USP9Y: variants seen among roughly 807,000 people sequenced by gnomAD.
USP9Y encodes the protein ubiquitin carboxyl-terminal hydrolase 9Y.
A neutral mutation model predicts 53.1 loss-of-function variants in USP9Y; 41 were observed. The ratio of observed to expected loss-of-function variants is 0.77; its 90% CI spans 0.60 to 1.00. The LOEUF (loss-of-function observed/expected upper bound fraction) is 1.00, where lower values mean the gene tolerates loss of function less well. Ranked by LOEUF, USP9Y falls within the 50% of genes least tolerant of loss-of-function variation. The pLI is 0.00. For synonymous variants in USP9Y, 220 were observed against 173.7 expected (o/e 1.27, Z -2.09); for missense variants, 567 against 535.8 (o/e 1.06, Z -0.58).
At chrY:12,775,615 T>C (rs2053491894) in intron 18 of USP9Y, 49 bp downstream of exon 18, 1 of 244,841 alleles carries the variant, frequency 4.1e-6, no homozygotes, top group Admixed American at 9.2e-5. Flanking sequence ...GGTTAAGTTG[T>C]TGGGTAGTAT....
chrY:12,790,469 T>C lies in USP9Y; in HGVS notation c.3624T>C (p.Asn1208=). The change falls in exon 25 of 46, where the codon AAT becomes AAC. Residue 1208 remains asparagine, a synonymous_variant. Coordinates refer to ENST00000338981, the MANE Select transcript of USP9Y (RefSeq NM_004654.4). Reference sequence around the variant, plus strand: ...AAAGTGCCCTTCAGAGCATTCCTAATCCCTCATCCGAGTGCGTACTTAGAA... The same window carrying C: ...AAAGTGCCCTTCAGAGCATTCCTAACCCCTCATCCGAGTGCGTACTTAGAA... ...VLQSALQSIP[N]PSSECVLRNE... is the part of the protein sequence containing the mutation. 9 of 394,463 alleles carry C rather than the reference T, an allele frequency of 2.3e-5. No individual in the cohort carries two copies. Among genetic ancestry groups the C allele is most frequent in the Non-Finnish European group, 3.2e-5 (9 of 279,770 alleles).
chrY:12,758,537 A>C lies in USP9Y; in HGVS notation c.1661A>C (p.Asp554Ala). The change falls in exon 14 of 46, where the codon GAT becomes GCT. Residue 554 changes from aspartate (D) to alanine (A), a missense_variant. Physicochemically the swap from Asp to Ala is moderately radical, Grantham distance 126. Transcript: ENST00000338981. ...DRDAQKIQWI[D>A]HFIEELRTND... Reference sequence around the variant, plus strand: ...GATGCACAGAAGATCCAGTGGATAGATCACTTTATAGAAGAACTTCGCACA... The same window carrying C: ...GATGCACAGAAGATCCAGTGGATAGCTCACTTTATAGAAGAACTTCGCACA... 4 of 386,360 alleles carry C rather than the reference A, an allele frequency of 1.0e-5. No individual in the cohort carries two copies. Among genetic ancestry groups the C allele is most frequent in the African/African-American group, 6.4e-5 (1 of 15,529 alleles).
Position 12,738,326 on chromosome Y carries a change from A to G in USP9Y, c.1317+17A>G. On this transcript the variant is annotated intron_variant, in intron 11 of 45. Transcript: ENST00000338981. ...GCAGCACAGGTAAGAAAGTGAGATG[A>G]TAGCTATTTTCTAAGAAAGATACCA... 2.5e-6 allele frequency: 1 copy of G among 394,594 alleles called. No homozygotes were observed. The highest frequency in any genetic ancestry group is 3.6e-6 in the Non-Finnish European group (1 of 281,552).
chrY:12,793,021 T>C lies in USP9Y; in HGVS notation c.3814-11T>C. ...TCTCTAGGTAACTTGCTCCTGATTC[T>C]AATTTTGCAGACCACCAATGGAAGC... On this transcript the variant is annotated splice_polypyrimidine_tract_variant and intron_variant, in intron 26 of 45. Transcript: ENST00000338981. 1 of 398,457 alleles carries C rather than the reference T, an allele frequency of 2.5e-6. No homozygotes were observed. Among genetic ancestry groups the C allele is most frequent in the Non-Finnish European group, 3.5e-6 (1 of 283,050 alleles).
chrY:12,855,252 CTT>C (rs2053574799), intron 42 of USP9Y, among the ~76,000 whole-genome samples: 1 of 33,574 alleles, frequency 3.0e-5, no homozygotes, highest in Admixed American at 2.7e-4. Context: ...TTGTTTGTAA[CTT>C]TTTTTTGAGA....
rs376882840 is a variant in USP9Y at position 12,853,395 on chromosome Y, G to A, written c.7065-2945G>A. Among the ~76,000 whole-genome samples, 168 of 33,730 alleles carry A rather than the reference G, an allele frequency of 5.0e-3. No individual in the cohort carries two copies. In the South Asian group the frequency reaches 0.1, roughly 21 times the overall value. The allele number at this position is 33,730 out of a possible 37,273, so 90.5% of individuals were successfully genotyped here. ...TGGTTGCTAAGACCTTGAGAAGAGC[G>A]CAGTATTTGGGCGGAAGTATCCCTT... On this transcript the variant is annotated intron_variant, in intron 42 of 45. Coordinates refer to ENST00000338981, the MANE Select transcript of USP9Y (RefSeq NM_004654.4).
At chrY:12,843,495 C>T (rs753602650) in intron 39 of USP9Y, among the ~76,000 whole-genome samples, 1 of 33,045 alleles carries the variant, frequency 3.0e-5, no homozygotes, top group South Asian at 6.5e-4. Context: ...ATACCCCACA[C>T]TATCTGAATC....
intron 12 of USP9Y, among the ~76,000 whole-genome samples, chrY:12,744,011 T>C (rs750758461): frequency 7.7e-4 from 26 of 33,565 alleles, no homozygotes; most frequent in African/African-American, 3.0e-3. Context: ...CACCTTATTG[T>C]AGCATTTTCT....
rs2032598 is a variant in USP9Y, at chrY:12,738,407, T to C, written c.1317+98T>C. The C allele has an allele frequency of 0.039, 8,069 of 206,460 alleles. No homozygotes were observed. The African/African-American group carries it at 0.59, about 15-fold the overall frequency. 51.5% of individuals were successfully genotyped at this position (206,460 alleles called of 400,897 possible). ...TAATGGCCAGCAATTTAGTATTGCC[T>C]GACTTTTACTAATGCATGTGCTGTT... On this transcript the variant is annotated intron_variant, in intron 11 of 45. Coordinates refer to ENST00000338981, the MANE Select transcript of USP9Y (RefSeq NM_004654.4).
chrY:12,820,527 G>C (rs2053540437), intron 33 of USP9Y, among the ~76,000 whole-genome samples: 1 of 33,874 alleles, frequency 3.0e-5, no homozygotes, highest in African/African-American at 1.1e-4. Flanking sequence ...TGTAAGCCTA[G>C]ATTATAAGTA....
At position 12,847,219 on chromosome Y, in the gene USP9Y, T is replaced by C; in HGVS notation, c.6976-20T>C. 1 of 382,685 alleles carries C rather than the reference T, an allele frequency of 2.6e-6. No individual in the cohort carries two copies. Among genetic ancestry groups the C allele is most frequent in the Non-Finnish European group, 3.7e-6 (1 of 268,891 alleles). ...CATTTTTTAAAAATACATAATTCAC[T>C]ATCTCTTACCTATTTGTAGGTTGCA... On this transcript the variant is annotated intron_variant, in intron 41 of 45. Coordinates refer to ENST00000338981, the MANE Select transcript of USP9Y (RefSeq NM_004654.4).
chrY:12,761,025 A>G (rs2053474989), intron 15 of USP9Y, among the ~76,000 whole-genome samples: 1 of 34,566 alleles, frequency 2.9e-5, no homozygotes, highest in Admixed American at 2.6e-4. Flanking sequence ...GCAGTGGTAC[A>G]GTCTAAGTTC....
intron 42 of USP9Y, among the ~76,000 whole-genome samples, chrY:12,848,828 G>C: frequency 6.0e-5 from 2 of 33,312 alleles, no homozygotes; most frequent in Non-Finnish European, 1.5e-4. Context: ...TATCTGTTTT[G>C]GTACCAGTAC....
intron 12 of USP9Y, among the ~76,000 whole-genome samples, chrY:12,753,389 T>C: frequency 3.0e-5 from 1 of 33,745 alleles, no homozygotes. Flanking sequence ...TGTTTTTGAC[T>C]TTCCTTTTCT....
chrY:12,709,327 T>C, intron 2 of USP9Y, 61 bp from the exon 3 acceptor site: 1 of 185,440 alleles, frequency 5.4e-6, no homozygotes, highest in Non-Finnish European at 9.8e-6. Flanking sequence ...TTGGAAATTT[T>C]TAAGGCTGAT....
intron 1 of USP9Y, among the ~76,000 whole-genome samples, chrY:12,707,241 C>T (rs746621192): frequency 5.3e-3 from 178 of 33,541 alleles, no homozygotes; most frequent in Middle Eastern, 0.027. Context: ...TCCTCAGCCT[C>T]CCAAATAGCT....
intron 24 of USP9Y, among the ~76,000 whole-genome samples, chrY:12,789,686 G>A: frequency 3.0e-5 from 1 of 33,722 alleles, no homozygotes; most frequent in Non-Finnish European, 7.4e-5. Flanking sequence ...CGGTAGAGAG[G>A]ATAATAGGTT....
intron 33 of USP9Y, among the ~76,000 whole-genome samples, chrY:12,832,264 A>C (rs935672513): frequency 3.0e-5 from 1 of 33,584 alleles, no homozygotes; most frequent in African/African-American, 1.2e-4. Flanking sequence ...TTTACACTTA[A>C]ATGATTTAAA....
chrY:12,772,539 C>T (rs2053486710), intron 16 of USP9Y, among the ~76,000 whole-genome samples: 5 of 30,771 alleles, frequency 1.6e-4, no homozygotes, highest in African/African-American at 5.2e-4. Context: ...CCGAGGTGGG[C>T]GGATTACCTG....
Sources: gnomAD v4.1 joint callset for allele counts (sites outside exome capture counted in the v4.1 genomes callset) on GRCh38, gnomAD v4.1.1 for gene constraint, MANE v1.5 for transcripts, NCBI Gene and HGNC (gene_info 2026-07-23, HGNC 2026-07-21) for gene names.